THRB: variants seen among roughly 807,000 people sequenced by gnomAD.
The protein encoded by THRB is nuclear receptor subfamily 1 group A member 2.
In THRB, 12 loss-of-function variants were observed where a neutral mutation model predicts 47.8. The ratio of observed to expected loss-of-function variants is 0.25; its 90% CI spans 0.16 to 0.41. The LOEUF is 0.41. THRB is among the 10% of genes least tolerant of loss of function. THRB has a pLI of 1.00. For missense variants in THRB, 348 were observed against 589.2 expected (o/e 0.59, Z 4.24); for synonymous variants, 218 against 212.2 (o/e 1.03, Z -0.24).
chr3:24,211,566 C>T (rs565653128), intron 4 of THRB, among the ~76,000 whole-genome samples: 1 of 152,176 alleles, frequency 6.6e-6, no homozygotes. Context: ...ACTGTGTAGG[C>T]TTTTATCTTA....
intron 1 of THRB, among the ~76,000 whole-genome samples, chr3:24,421,944 G>T (rs1297322704): frequency 6.6e-6 from 1 of 151,860 alleles, no homozygotes; most frequent in African/African-American, 2.4e-5. Flanking sequence ...TTGCTCCAAG[G>T]CGCATGCTAA....
chr3:24,124,974 G>A (rs929573367), intron 10 of THRB, among the ~76,000 whole-genome samples: 1 of 152,232 alleles, frequency 6.6e-6, no homozygotes, highest in Admixed American at 6.5e-5. Flanking sequence ...GTCAGGCAGT[G>A]TCAGCCTCAC....
At chr3:24,258,574 T>G (rs1257466830) in intron 3 of THRB, among the ~76,000 whole-genome samples, 1 of 152,176 alleles carries the variant, frequency 6.6e-6, no homozygotes, top group Non-Finnish European at 1.5e-5. Flanking sequence ...ACTAAAAGCA[T>G]GCAGGTGGGG....
At chr3:24,206,842 A>G (rs572113764) in intron 4 of THRB, among the ~76,000 whole-genome samples, 1 of 152,210 alleles carries the variant, frequency 6.6e-6, no homozygotes, top group Non-Finnish European at 1.5e-5. Flanking sequence ...CAGAAATACA[A>G]ACTACCATCA....
At chr3:24,141,187 G>A (rs2035396510) in intron 8 of THRB, among the ~76,000 whole-genome samples, 1 of 152,240 alleles carries the variant, frequency 6.6e-6, no homozygotes, top group Admixed American at 6.5e-5. Flanking sequence ...TCTGACAGAA[G>A]CCTAATGGCA....
chr3:24,146,829 GA>G lies in THRB; in HGVS notation c.385-8del. 1.2e-6 allele frequency: 2 copies of G among 1,613,156 alleles called. No homozygotes were observed. The highest frequency in any genetic ancestry group is 1.7e-6 in the Non-Finnish European group (2 of 1,179,198). On this transcript the variant is annotated splice_region_variant and splice_polypyrimidine_tract_variant and intron_variant, in intron 6 of 10. Transcript: ENST00000646209. ...TGGTTCTTCTAAAGAAACCCTATAT[GA>G]AAAACAAAGACCCAAGACAACAGTT...
intron 2 of THRB, among the ~76,000 whole-genome samples, chr3:24,299,130 C>A (rs898052882): frequency 4.6e-5 from 7 of 151,472 alleles, no homozygotes; most frequent in African/African-American, 1.7e-4. Flanking sequence ...CGCCTGTAGT[C>A]CCAGCTACTC....
chr3:24,222,644 A>G (rs1342999654), intron 4 of THRB, among the ~76,000 whole-genome samples: 1 of 152,196 alleles, frequency 6.6e-6, no homozygotes. Context: ...TTCTGCCCTC[A>G]AGGAATTTGG....
At position 24,190,215 on chromosome 3, in the gene THRB, T is replaced by C; in HGVS notation, c.142A>G (p.Thr48Ala). The stretch of plus-strand genomic sequence containing the variant: ...GGCGACGACTGTTCATTTTTCAACG[T>C]GCTGCGCCTCTCTGAATGGCTCTTC... Reference protein sequence around the residue: ...HRKSHSERRSTLKNEQSSPHL... With the variant: ...HRKSHSERRSALKNEQSSPHL... Residue 48 changes from threonine (T) to alanine (A), a missense_variant, in exon 5 of 11, where the codon ACG (threonine) becomes GCG (alanine). Thr to Ala is a moderately conservative substitution (Grantham distance 58, BLOSUM62 0). Around this residue, in one of 5 missense-constraint regions of THRB, gnomAD observed 148 missense variants for 122.3 expected, o/e 1.21. Transcript: ENST00000646209. 1 of 1,614,146 alleles carries C rather than the reference T, an allele frequency of 6.2e-7. No homozygotes were observed. Among genetic ancestry groups the C allele is most frequent in the Non-Finnish European group, 8.5e-7 (1 of 1,180,000 alleles).
intron 4 of THRB, among the ~76,000 whole-genome samples, chr3:24,221,348 T>C (rs1033136596): frequency 6.7e-5 from 9 of 133,886 alleles, no homozygotes; most frequent in African/African-American, 2.6e-4. Context: ...GAGAGGAAGA[T>C]ACATCCCCAC....
chr3:24,377,823 T>A (rs1026005091), intron 1 of THRB, among the ~76,000 whole-genome samples: 2 of 152,124 alleles, frequency 1.3e-5, no homozygotes, highest in African/African-American at 4.8e-5. Flanking sequence ...TAGGGCTCTT[T>A]CTAGTGGCAA....
rs1451787268 is a variant in THRB at position 24,206,325 on chromosome 3, T to C, written c.23-15991A>G. On this transcript the variant is annotated intron_variant, in intron 4 of 10. Transcript: ENST00000646209. ...TCTCTCAGACCACAGTGCAATCAAA[T>C]TAGAACTCAGGATTAAGAAACTCAC... Among the ~76,000 whole-genome samples, 7 of 152,178 alleles carry C rather than the reference T, an allele frequency of 4.6e-5. No individual in the cohort carries two copies. In the South Asian group the frequency reaches 1.0e-3, roughly 23 times the overall value.
Position 24,492,308 on chromosome 3 carries a change from T to A in THRB, c.-261+2344A>T, listed in dbSNP as rs754109406. Among the ~76,000 whole-genome samples the A allele has an allele frequency of 2.0e-5, 3 of 152,034 alleles. No homozygotes were observed. In the South Asian group the frequency reaches 6.2e-4, roughly 32 times the overall value. Reference sequence around the variant, plus strand: ...GATACAGGCGATCAACAAGCATCAATTGAAATGAACAATTCAGATTGCAAA... The same window carrying A: ...GATACAGGCGATCAACAAGCATCAAATGAAATGAACAATTCAGATTGCAAA... On this transcript the variant is annotated intron_variant, in intron 1 of 10. Coordinates refer to ENST00000646209, the MANE Select transcript of THRB (RefSeq NM_001354712.2).
Position 24,117,984 on chromosome 3 carries a change from G to A in THRB, c.*4900C>T, listed in dbSNP as rs1176184281. 1 of 152,132 alleles carries A rather than the reference G, an allele frequency of 6.6e-6. No homozygotes were observed. The highest frequency in any genetic ancestry group is 2.4e-5 in the African/African-American group (1 of 41,432). 9.4% of individuals were successfully genotyped at this position (152,132 alleles called of 1,614,324 possible). ...TCACCTCTCTCCTCCCTTCATCTTT[G>A]TGGCCCCTTCCAAAGAGGTAACCCC... On this transcript the variant is annotated 3_prime_UTR_variant, in exon 11 of 11. Coordinates refer to ENST00000646209, the MANE Select transcript of THRB (RefSeq NM_001354712.2).
chr3:24,444,070 T>C (rs532470465), intron 1 of THRB, among the ~76,000 whole-genome samples: 1 of 152,126 alleles, frequency 6.6e-6, no homozygotes, highest in African/African-American at 2.4e-5. Flanking sequence ...TGCAAAAAAA[T>C]TTCTTTAACA....
At chr3:24,250,818 A>G (rs2150358899) in intron 3 of THRB, among the ~76,000 whole-genome samples, 1 of 152,316 alleles carries the variant, frequency 6.6e-6, no homozygotes, top group South Asian at 2.1e-4. Context: ...GATTAAGTAG[A>G]TATAAAATAA....
chr3:24,143,697 T>C lies in THRB; in HGVS notation c.542A>G (p.Asp181Gly). 6.2e-7 allele frequency: 1 copy of C among 1,614,096 alleles called. No homozygotes were observed. Among genetic ancestry groups the C allele is most frequent in the Non-Finnish European group, 8.5e-7 (1 of 1,180,010 alleles). ...YVGMATDLVL[D>G]DSKRLAKRKL... Reference sequence around the variant, plus strand: ...CCTCTTGGCCAGCCTCTTGCTGTCATCCAGCACCACTGGGAGGGGGAGAAA... The same window carrying C: ...CCTCTTGGCCAGCCTCTTGCTGTCACCCAGCACCACTGGGAGGGGGAGAAA... Residue 181 changes from aspartate (D) to glycine (G), a missense_variant, in exon 8 of 11, where the codon GAT becomes GGT. Around this residue, in one of 5 missense-constraint regions of THRB, gnomAD observed 112 missense variants for 212.3 expected, o/e 0.53. Transcript: ENST00000646209.
intron 4 of THRB, among the ~76,000 whole-genome samples, chr3:24,206,075 A>G (rs557856856): frequency 2.0e-5 from 3 of 152,224 alleles, no homozygotes; most frequent in Non-Finnish European, 4.4e-5. Flanking sequence ...CCCCACCGTC[A>G]ACATTAGACA....
At chr3:24,158,285 C>G (rs2038177424) in intron 5 of THRB, among the ~76,000 whole-genome samples, 1 of 152,222 alleles carries the variant, frequency 6.6e-6, no homozygotes, top group South Asian at 2.1e-4. Context: ...GTCAGAACCT[C>G]TCCTGATTGT....
Sources: gnomAD v4.1 joint callset for allele counts (sites outside exome capture counted in the v4.1 genomes callset) on GRCh38, gnomAD v4.1.1 for gene constraint, gnomAD v4.1.1 regional missense constraint, MANE v1.5 for transcripts, NCBI Gene and HGNC (gene_info 2026-07-23, HGNC 2026-07-21) for gene names.